OCA2: variants seen among roughly 807,000 people sequenced by gnomAD.
OCA2 encodes the protein P protein.
In OCA2, 77 loss-of-function variants were observed where a neutral mutation model predicts 100.2. That is an observed-to-expected ratio of 0.77 (90% CI 0.64 to 0.93). OCA2 has a LOEUF of 0.93. OCA2 is among the 40% of genes least tolerant of loss of function. OCA2 has a pLI of 0.00. For synonymous variants in OCA2, 432 were observed against 439.2 expected (o/e 0.98, Z 0.21); for missense variants, 1,062 against 1,089.1 (o/e 0.98, Z 0.35).
At chr15:27,729,099 C>T in the OCA2 span, among the ~76,000 whole-genome samples, 1 of 152,082 alleles carries the variant, frequency 6.6e-6, no homozygotes, top group African/African-American at 2.4e-5. Flanking sequence ...CTATTGGCCC[C>T]CTTTTCCTCC....
At chr15:27,731,419 T>G in the OCA2 span, among the ~76,000 whole-genome samples, 1 of 152,232 alleles carries the variant, frequency 6.6e-6, no homozygotes, top group Non-Finnish European at 1.5e-5. Flanking sequence ...TTTTGGAGAA[T>G]GAAATGTTGA....
chr15:28,022,382 T>C, intron 6 of OCA2, 119 bp downstream of exon 6: 1 of 728,198 alleles, frequency 1.4e-6, no homozygotes. Flanking sequence ...AGAAACAAAA[T>C]TCGAGTGGTA....
chr15:27,920,306 A>C lies in OCA2; in HGVS notation c.2079+5821T>G, dbSNP rs536976721. ...ACACAAATAGTAACAACAACAACAA[A>C]AAAAGAGCTGGAGTAACTATGCTAA... On this transcript the variant is annotated intron_variant, in intron 19 of 23. Coordinates refer to ENST00000354638, the MANE Select transcript of OCA2 (RefSeq NM_000275.3). Among the ~76,000 whole-genome samples, 126 of 152,278 alleles carry C rather than the reference A, an allele frequency of 8.3e-4. 1 individual carries two copies. Among genetic ancestry groups the C allele is most frequent in the Non-Finnish European group, 1.4e-3 (97 of 68,014 alleles).
At position 27,957,972 on chromosome 15, in the gene OCA2, G is replaced by A. The variant is rs1448806170; in HGVS notation, c.1637-237C>T. Reference sequence around the variant, plus strand: ...AAGGACAAAAAACCAAACACCACATGTTCTCACTCATAGGTGGGAATTGAA... The same window carrying A: ...AAGGACAAAAAACCAAACACCACATATTCTCACTCATAGGTGGGAATTGAA... On this transcript the variant is annotated intron_variant, in intron 15 of 23. Coordinates refer to ENST00000354638, the MANE Select transcript of OCA2 (RefSeq NM_000275.3). This position sits in a 1 kb window ranked among gnomAD's most constrained non-coding sequence, Gnocchi z 4.3. Among the ~76,000 whole-genome samples the A allele has an allele frequency of 6.6e-6, 1 of 152,150 alleles. No homozygotes were observed. Among genetic ancestry groups the A allele is most frequent in the Non-Finnish European group, 1.5e-5 (1 of 68,030 alleles).
chr15:27,771,677 C>A (rs2031878451), intron 23 of OCA2, among the ~76,000 whole-genome samples: 1 of 152,194 alleles, frequency 6.6e-6, no homozygotes. Context: ...AGAAAATCAC[C>A]CATTGTGTGA....
chr15:27,722,006 G>A, the OCA2 span, among the ~76,000 whole-genome samples: 1 of 152,178 alleles, frequency 6.6e-6, no homozygotes, highest in Non-Finnish European at 1.5e-5. Context: ...TGCAAGATCT[G>A]TGCTATAATA....
At chr15:27,842,266 T>C (rs1013967500) in intron 23 of OCA2, among the ~76,000 whole-genome samples, 12 of 152,328 alleles carry the variant, frequency 7.9e-5, no homozygotes, top group African/African-American at 2.9e-4. Context: ...TAATCTATGG[T>C]AGGCAGGAAA....
chr15:27,924,452 T>C (rs12905017), intron 19 of OCA2, among the ~76,000 whole-genome samples: 53,166 of 151,794 alleles, frequency 0.35, 9,619 homozygotes, highest in Middle Eastern at 0.52. Flanking sequence ...CACAAAATAA[T>C]TGAAATGATA....
chr15:27,782,833 T>G (rs1284521935), intron 23 of OCA2, among the ~76,000 whole-genome samples: 1 of 152,244 alleles, frequency 6.6e-6, no homozygotes. Context: ...CCATAGGGGC[T>G]CTAAAGTAAA....
chr15:28,020,074 A>C (rs1158627469), intron 6 of OCA2, among the ~76,000 whole-genome samples: 1 of 151,696 alleles, frequency 6.6e-6, no homozygotes. Flanking sequence ...CTCCCTCTTC[A>C]TCCAAATTCG....
intron 1 of OCA2, among the ~76,000 whole-genome samples, chr15:28,084,039 G>A (rs963829036): frequency 6.6e-6 from 1 of 152,208 alleles, no homozygotes; most frequent in Non-Finnish European, 1.5e-5. Context: ...TGGGGTCTCA[G>A]GGAGGTGACT....
chr15:27,997,516 T>C (rs2041788941), intron 9 of OCA2, among the ~76,000 whole-genome samples: 1 of 151,968 alleles, frequency 6.6e-6, no homozygotes, highest in Non-Finnish European at 1.5e-5. Flanking sequence ...CTGAGGGCTC[T>C]GTTCTGTTCC....
At chr15:27,817,608 C>A (rs1447045973) in intron 23 of OCA2, among the ~76,000 whole-genome samples, 1 of 152,094 alleles carries the variant, frequency 6.6e-6, no homozygotes, top group Admixed American at 6.5e-5. Context: ...AGCCCCTCAC[C>A]CTCCATGATC....
chr15:27,811,339 TA>T (rs2034069021), intron 23 of OCA2, among the ~76,000 whole-genome samples: 1 of 152,130 alleles, frequency 6.6e-6, no homozygotes, highest in Non-Finnish European at 1.5e-5. Context: ...CAGAGTGATA[TA>T]ATGGATTTTG....
chr15:27,996,692 G>T (rs904672421), intron 9 of OCA2, among the ~76,000 whole-genome samples: 22 of 151,834 alleles, frequency 1.4e-4, no homozygotes, highest in African/African-American at 5.3e-4. Flanking sequence ...TGATAGCCTA[G>T]AAGAAACTGG....
intron 21 of OCA2, among the ~76,000 whole-genome samples, chr15:27,859,944 GA>G (rs1376078622): frequency 1.2e-4 from 18 of 152,254 alleles, no homozygotes; most frequent in African/African-American, 3.6e-4. Context: ...TTTTCTGTGA[GA>G]AAAAGAAATG....
chr15:28,070,296 G>A lies in OCA2; in HGVS notation c.227+11352C>T, dbSNP rs1320687372. The stretch of plus-strand genomic sequence containing the variant: ...AGCGTCTCCGCCCGGCAGCCACCCC[G>A]TCCGGGAGGGAGGTGGGGGGGGGTC... On this transcript the variant is annotated intron_variant, in intron 2 of 23. Coordinates refer to ENST00000354638, the MANE Select transcript of OCA2 (RefSeq NM_000275.3). Among the ~76,000 whole-genome samples the A allele has an allele frequency of 6.2e-3, 882 of 141,766 alleles. 5 individuals are homozygous for A. The highest frequency in any genetic ancestry group is 0.023 in the African/African-American group (810 of 35,566). 93.0% of individuals were successfully genotyped at this position (141,766 alleles called of 152,430 possible). A position where few individuals can be genotyped will look rare whatever the true frequency, so the allele number is the denominator to read the frequency against.
At chr15:27,973,981 G>T (rs2040885993) in intron 14 of OCA2, among the ~76,000 whole-genome samples, 1 of 152,006 alleles carries the variant, frequency 6.6e-6, no homozygotes, top group South Asian at 2.1e-4. Context: ...TTGATTCTTG[G>T]CTTGGTCATT....
chr15:28,082,409 C>A (rs141278231), intron 1 of OCA2, among the ~76,000 whole-genome samples: 7 of 152,202 alleles, frequency 4.6e-5, no homozygotes, highest in African/African-American at 1.2e-4. Context: ...CTGTAACACT[C>A]ACCGGGAAGG....
Sources: allele counts gnomAD v4.1 joint callset (sites outside exome capture counted in the v4.1 genomes callset), GRCh38; gene constraint gnomAD v4.1.1; non-coding constraint Gnocchi (gnomAD v3.1); transcripts MANE v1.5; gene names NCBI Gene and HGNC (gene_info 2026-07-23, HGNC 2026-07-21).